EXT2: variants seen among roughly 807,000 people sequenced by gnomAD.
The protein encoded by EXT2 is exostosin glycosyltransferase 2.
EXT2 carries 53 observed loss-of-function variants against 81.6 expected under a neutral mutation model. The observed-to-expected ratio is 0.65, with a 90% confidence interval of 0.52 to 0.82. The LOEUF is 0.82. Ranked by LOEUF, EXT2 falls within the 40% of genes least tolerant of loss-of-function variation. The probability of loss-of-function intolerance (pLI) is 0.00; values close to 1 mark genes in which losing one functional copy is unlikely to be tolerated. For missense variants in EXT2, 774 were observed against 910.2 expected (o/e 0.85, Z 1.93); for synonymous variants, 320 against 340.0 (o/e 0.94, Z 0.65).
At chr11:44,105,925 G>A (rs1224588029) in intron 1 of EXT2, among the ~76,000 whole-genome samples, 2 of 152,166 alleles carry the variant, frequency 1.3e-5, no homozygotes, top group African/African-American at 2.4e-5. Flanking sequence ...TGATGATTGT[G>A]GAATCTATGC....
chr11:44,098,379 G>A (rs1590535904), intron 1 of EXT2, among the ~76,000 whole-genome samples: 2 of 152,218 alleles, frequency 1.3e-5, no homozygotes, highest in East Asian at 1.9e-4. Flanking sequence ...AAGGGGTCCA[G>A]TATAGCACAG....
intron 7 of EXT2, among the ~76,000 whole-genome samples, chr11:44,156,348 A>T (rs1954855030): frequency 6.6e-6 from 1 of 152,164 alleles, no homozygotes; most frequent in East Asian, 1.9e-4. Context: ...CTCTTCTTTA[A>T]GGCCAATAAC....
intron 8 of EXT2, among the ~76,000 whole-genome samples, chr11:44,173,457 T>A (rs1955105971): frequency 6.6e-6 from 1 of 152,006 alleles, no homozygotes; most frequent in Admixed American, 6.5e-5. Flanking sequence ...CTCCTTCAGT[T>A]TTTTAGGATG....
chr11:44,227,880 G>A (rs1176833295), intron 10 of EXT2, among the ~76,000 whole-genome samples: 1 of 152,214 alleles, frequency 6.6e-6, no homozygotes, highest in African/African-American at 2.4e-5. Context: ...GTACCTGGAA[G>A]AGTGTCCAGC....
intron 10 of EXT2, among the ~76,000 whole-genome samples, chr11:44,207,920 A>G (rs1223646383): frequency 6.6e-6 from 1 of 152,126 alleles, no homozygotes; most frequent in Admixed American, 6.6e-5. Flanking sequence ...TAGGTTTTTA[A>G]AAAAAATGTA....
At chr11:44,205,842 A>G (rs1043074747) in intron 9 of EXT2, among the ~76,000 whole-genome samples, 1 of 152,212 alleles carries the variant, frequency 6.6e-6, no homozygotes, top group Non-Finnish European at 1.5e-5. Flanking sequence ...TAGCTTTCCT[A>G]TTCTCATTTG....
intron 3 of EXT2, among the ~76,000 whole-genome samples, chr11:44,112,539 C>G (rs1954159627): frequency 6.6e-6 from 1 of 152,146 alleles, no homozygotes; most frequent in Admixed American, 6.5e-5. Flanking sequence ...AATATTTTCT[C>G]CATTATAATG....
chr11:44,124,997 C>A lies in EXT2; in HGVS notation c.939+13C>A. On this transcript the variant is annotated intron_variant, in intron 5 of 13. Coordinates refer to ENST00000533608, the MANE Select transcript of EXT2 (RefSeq NM_207122.2). ...ACAGGTGCTACAGGTGAGTGTCATT[C>A]ATTACCTCTCGCAAAGGCTCAGGAG... 6.2e-7 allele frequency: 1 copy of A among 1,611,192 alleles called. No individual in the cohort carries two copies. The highest frequency in any genetic ancestry group is 8.5e-7 in the Non-Finnish European group (1 of 1,179,566).
rs1446137003 is a variant in EXT2, at chr11:44,249,341, C to T, written c.*5054C>T. Among the ~76,000 whole-genome samples the T allele has an allele frequency of 6.6e-6, 1 of 152,150 alleles. No homozygotes were observed. The highest frequency in any genetic ancestry group is 1.5e-5 in the Non-Finnish European group (1 of 68,028). ...TTTCTTCTGCTCTCAGTTGGTTGGACCACTGGTTGCATCTCTTCCCACTCT... is the reference window on the plus strand; with the variant it reads ...TTTCTTCTGCTCTCAGTTGGTTGGATCACTGGTTGCATCTCTTCCCACTCT... On this transcript the variant is annotated 3_prime_UTR_variant, in exon 14 of 14. Transcript: ENST00000533608.
rs1185530279 is a variant in EXT2, at chr11:44,248,453, C to T, written c.*4166C>T. Among the ~76,000 whole-genome samples, 2 of 152,232 alleles carry T rather than the reference C, an allele frequency of 1.3e-5. No homozygotes were observed. Among genetic ancestry groups the T allele is most frequent in the African/African-American group, 4.8e-5 (2 of 41,466 alleles). On this transcript the variant is annotated 3_prime_UTR_variant, in exon 14 of 14. Coordinates refer to ENST00000533608, the MANE Select transcript of EXT2 (RefSeq NM_207122.2). Reference sequence around the variant, plus strand: ...TGAGCTCTGTCCAAGCCCTGGACCTCCTGTCCTCGGCCTGTGTTTGGTACT... The same window carrying T: ...TGAGCTCTGTCCAAGCCCTGGACCTTCTGTCCTCGGCCTGTGTTTGGTACT...
chr11:44,216,619 T>C (rs1955722907), intron 10 of EXT2, among the ~76,000 whole-genome samples: 1 of 152,148 alleles, frequency 6.6e-6, no homozygotes, highest in African/African-American at 2.4e-5. Context: ...AGCATGTTTT[T>C]CACAAATGCA....
chr11:44,182,098 A>G (rs941040646), intron 8 of EXT2, among the ~76,000 whole-genome samples: 18 of 152,142 alleles, frequency 1.2e-4, no homozygotes, highest in African/African-American at 4.3e-4. Flanking sequence ...CGAATAGAGG[A>G]AGGAGTCGGG....
chr11:44,106,919 G>A (rs1043580455), intron 1 of EXT2, among the ~76,000 whole-genome samples: 6 of 152,164 alleles, frequency 3.9e-5, no homozygotes, highest in Admixed American at 6.5e-5. Flanking sequence ...GTGAGCCACC[G>A]CACATGGCTG....
At chr11:44,238,713 G>A (rs1023294230) in intron 13 of EXT2, among the ~76,000 whole-genome samples, 2 of 152,198 alleles carry the variant, frequency 1.3e-5, no homozygotes, top group Admixed American at 1.3e-4. Context: ...CACTTGAAGT[G>A]ATCCTTCAAA....
In EXT2 at chr11:44,124,966, T is replaced by G; in HGVS notation, c.921T>G (p.Asp307Glu). Residue 307 changes from aspartate (D) to glutamate (E), a missense_variant, in exon 5 of 14, where the codon GAT becomes GAG. By Grantham distance (45) the Asp-to-Glu change is conservative. Transcript: ENST00000533608. Reference sequence around the variant, plus strand: ...GCTGCCACAAGCACCAGGTCTTCGATTACCCACAGGTGCTACAGGTGAGTG... The same window carrying G: ...GCTGCCACAAGCACCAGGTCTTCGAGTACCCACAGGTGCTACAGGTGAGTG... ...RKRCHKHQVFDYPQVLQEATF... is the reference protein window; with the variant it reads ...RKRCHKHQVFEYPQVLQEATF... The G allele has an allele frequency of 6.2e-7, 1 of 1,613,140 alleles. No homozygotes were observed. Among genetic ancestry groups the G allele is most frequent in the Non-Finnish European group, 8.5e-7 (1 of 1,180,008 alleles).
At chr11:44,178,901 A>T (rs548190814) in intron 8 of EXT2, among the ~76,000 whole-genome samples, 1 of 152,314 alleles carries the variant, frequency 6.6e-6, no homozygotes, top group South Asian at 2.1e-4. Context: ...CATTTATAGG[A>T]TCACATTTGC....
At chr11:44,166,113 G>A (rs1052259372) in intron 7 of EXT2, among the ~76,000 whole-genome samples, 27 of 152,156 alleles carry the variant, frequency 1.8e-4, no homozygotes, top group Admixed American at 3.3e-4. Flanking sequence ...CTATTTCCAA[G>A]GAACTCACAG....
intron 9 of EXT2, among the ~76,000 whole-genome samples, chr11:44,201,218 G>A (rs894888371): frequency 6.6e-6 from 1 of 152,160 alleles, no homozygotes; most frequent in Non-Finnish European, 1.5e-5. Context: ...AATAGAAGTT[G>A]GGCCTGAAGA....
At chr11:44,168,031 C>T (rs1015431872) in intron 7 of EXT2, among the ~76,000 whole-genome samples, 1 of 139,148 alleles carries the variant, frequency 7.2e-6, no homozygotes, top group Non-Finnish European at 1.5e-5. Flanking sequence ...TCCAAGTGTT[C>T]TCGTAGTTCA....
Sources: gnomAD v4.1 joint callset for allele counts (sites outside exome capture counted in the v4.1 genomes callset) on GRCh38, gnomAD v4.1.1 for gene constraint, MANE v1.5 for transcripts, NCBI Gene and HGNC (gene_info 2026-07-23, HGNC 2026-07-21) for gene names.